Variants in DAB1 observed in about 807,000 individuals in gnomAD.
The protein encoded by DAB1 is disabled homolog 1.
In DAB1, 15 loss-of-function variants were observed where a neutral mutation model predicts 64.6. That is an observed-to-expected ratio of 0.23 (90% CI 0.16 to 0.36). The LOEUF (loss-of-function observed/expected upper bound fraction) is 0.36, where lower values mean the gene tolerates loss of function less well. Ranked by LOEUF, DAB1 falls within the 10% of genes least tolerant of loss-of-function variation. The pLI is 1.00. For missense variants in DAB1, 596 were observed against 706.7 expected (o/e 0.84, Z 1.78); for synonymous variants, 235 against 251.9 (o/e 0.93, Z 0.64).
At chr1:58,350,654 A>G (rs1644046749) in intron 3 of DAB1, among the ~76,000 whole-genome samples, 1 of 152,064 alleles carries the variant, frequency 6.6e-6, no homozygotes, top group Non-Finnish European at 1.5e-5. Context: ...AAGAAGGGGT[A>G]CAGTTTCTGT....
chr1:58,546,484 T>C (rs1233439778), intron 1 of DAB1, among the ~76,000 whole-genome samples: 1 of 147,986 alleles, frequency 6.8e-6, no homozygotes, highest in African/African-American at 2.5e-5. Flanking sequence ...ATCCCCTCCG[T>C]CTCCCGCCCC....
chr1:57,330,415 C>T (rs1676557740), intron 1 of DAB1, among the ~76,000 whole-genome samples: 1 of 152,102 alleles, frequency 6.6e-6, no homozygotes, highest in Non-Finnish European at 1.5e-5. Flanking sequence ...GTCACAGAAA[C>T]CTGGTCTGAA....
intron 8 of DAB1, among the ~76,000 whole-genome samples, chr1:57,064,175 C>A (rs1251618263): frequency 1.3e-5 from 2 of 152,208 alleles, no homozygotes; most frequent in African/African-American, 4.8e-5. Context: ...TGAGCTTATT[C>A]CTTAGGTCCT....
At chr1:58,530,687 T>G (rs376180084) in intron 1 of DAB1, 26 of 872,660 alleles carry the variant, frequency 3.0e-5, no homozygotes, top group Non-Finnish European at 4.8e-5. Context: ...AGGAAAATCA[T>G]ACCTAGGAAA....
chr1:57,221,261 G>T (rs1666844975), intron 2 of DAB1, among the ~76,000 whole-genome samples: 1 of 151,308 alleles, frequency 6.6e-6, no homozygotes, highest in African/African-American at 2.4e-5. Context: ...GTGGGGGGAT[G>T]GGGGAGGGAT....
intron 7 of DAB1, among the ~76,000 whole-genome samples, chr1:57,637,952 T>C (rs1200146672): frequency 6.6e-6 from 1 of 152,212 alleles, no homozygotes; most frequent in African/African-American, 2.4e-5. Context: ...ATTATTCAGT[T>C]GTTTACAATG....
At chr1:58,432,526 G>A (rs1438554082) in intron 3 of DAB1, among the ~76,000 whole-genome samples, 2 of 152,082 alleles carry the variant, frequency 1.3e-5, no homozygotes, top group African/African-American at 2.4e-5. Context: ...AGGCCTACCC[G>A]CCAAGTCTGG....
At chr1:57,497,651 C>A (rs138528012) in intron 7 of DAB1, among the ~76,000 whole-genome samples, 2 of 152,032 alleles carry the variant, frequency 1.3e-5, no homozygotes, top group Non-Finnish European at 2.9e-5. Context: ...ACAGGGTGTA[C>A]GCTAGGTAAA....
intron 6 of DAB1, among the ~76,000 whole-genome samples, chr1:57,659,125 C>G (rs1313772986): frequency 6.6e-6 from 1 of 152,090 alleles, no homozygotes; most frequent in East Asian, 1.9e-4. Context: ...GCACAAGTCC[C>G]CACCACAGGG....
chr1:57,567,375 G>A (rs1645136010), intron 7 of DAB1, among the ~76,000 whole-genome samples: 1 of 152,162 alleles, frequency 6.6e-6, no homozygotes, highest in Non-Finnish European at 1.5e-5. Flanking sequence ...ACAAGACAGG[G>A]ATGCCCTCTC....
chr1:57,388,736 A>T (rs1352059897), intron 1 of DAB1, among the ~76,000 whole-genome samples: 1 of 152,130 alleles, frequency 6.6e-6, no homozygotes, highest in Non-Finnish European at 1.5e-5. Context: ...CTATTCTCAC[A>T]GCTCGTTTCC....
intron 14 of DAB1, among the ~76,000 whole-genome samples, chr1:57,006,393 C>T (rs1254798288): frequency 6.6e-6 from 1 of 152,216 alleles, no homozygotes; most frequent in East Asian, 1.9e-4. Context: ...GTGACTGGCA[C>T]CATGTAGATC....
intron 1 of DAB1, among the ~76,000 whole-genome samples, chr1:57,835,148 A>G (rs192518702): frequency 9.7e-4 from 148 of 152,316 alleles, no homozygotes; most frequent in African/African-American, 3.4e-3. Flanking sequence ...GATAATAATA[A>G]TTGTCAACAT....
chr1:57,776,458 G>A lies in DAB1; in HGVS notation n.551+107541C>T, dbSNP rs546075181. ...TACATTTAATGTAGTTACTGACATA[G>A]TTGAATTTAAATCTACTGTCATGCT... is the stretch of plus-strand genomic sequence containing the variant. On this transcript the variant is annotated intron_variant and non_coding_transcript_variant, in intron 6 of 20. Coordinates refer to the DAB1 transcript ENST00000485760. Among the ~76,000 whole-genome samples the A allele has an allele frequency of 2.6e-5, 4 of 151,786 alleles. No individual in the cohort carries two copies. The East Asian group carries it at 7.7e-4, about 29-fold the overall frequency.
chr1:57,463,614 C>CT (rs1477621934), intron 7 of DAB1, among the ~76,000 whole-genome samples: 1 of 152,132 alleles, frequency 6.6e-6, no homozygotes, highest in African/African-American at 2.4e-5. Context: ...TGCACAGTTT[C>CT]TTCGTGACAG....
intron 2 of DAB1, among the ~76,000 whole-genome samples, chr1:57,222,758 C>T (rs1275016114): frequency 6.6e-6 from 1 of 152,140 alleles, no homozygotes; most frequent in East Asian, 1.9e-4. Flanking sequence ...TATAATTGTG[C>T]TCAATTGTGC....
intron 6 of DAB1, among the ~76,000 whole-genome samples, chr1:57,673,610 A>G (rs942811564): frequency 1.3e-5 from 2 of 152,134 alleles, no homozygotes; most frequent in African/African-American, 4.8e-5. Flanking sequence ...TGATTATTTC[A>G]TATTGACATT....
intron 2 of DAB1, among the ~76,000 whole-genome samples, chr1:57,180,777 C>T (rs934926347): frequency 1.3e-5 from 2 of 152,178 alleles, no homozygotes; most frequent in African/African-American, 4.8e-5. Flanking sequence ...CTACTCTCTG[C>T]ATGGCTCACT....
chr1:58,416,709 G>A (rs1282053754), intron 3 of DAB1, among the ~76,000 whole-genome samples: 1 of 151,646 alleles, frequency 6.6e-6, no homozygotes, highest in African/African-American at 2.4e-5. Context: ...TCTTAATATA[G>A]GTGGCCACCT....
Sources: allele counts gnomAD v4.1 joint callset (sites outside exome capture counted in the v4.1 genomes callset), GRCh38; gene constraint gnomAD v4.1.1; transcripts MANE v1.5; gene names NCBI Gene and HGNC (gene_info 2026-07-23, HGNC 2026-07-21).